The following ICA1 variants were observed in gnomAD, a reference collection of about 807,000 sequenced individuals.
The protein encoded by ICA1 is islet cell autoantigen 1.
ICA1 carries 40 observed loss-of-function variants against 71.0 expected under a neutral mutation model. That is an observed-to-expected ratio of 0.56 (90% CI 0.44 to 0.73). The LOEUF (loss-of-function observed/expected upper bound fraction) is 0.73, where lower values mean the gene tolerates loss of function less well. Ranked by LOEUF, ICA1 falls within the 30% of genes least tolerant of loss-of-function variation. The probability of loss-of-function intolerance (pLI) is 0.00; values close to 1 mark genes in which losing one functional copy is unlikely to be tolerated. For synonymous variants in ICA1, 207 were observed against 209.5 expected (o/e 0.99, Z 0.10); for missense variants, 578 against 576.5 (o/e 1.00, Z -0.03).
chr7:8,157,512 C>G, intron 7 of ICA1: 1 of 356,320 alleles, frequency 2.8e-6, no homozygotes. Flanking sequence ...AAATAATTAA[C>G]GCTCTACTGT....
chr7:8,224,888 G>A (rs973237602), intron 4 of ICA1, among the ~76,000 whole-genome samples: 14 of 152,196 alleles, frequency 9.2e-5, no homozygotes, highest in African/African-American at 3.1e-4. Flanking sequence ...GAATTAGACT[G>A]TGGTTACAGA....
At chr7:8,210,368 G>A (rs573733600) in intron 6 of ICA1, among the ~76,000 whole-genome samples, 1 of 152,312 alleles carries the variant, frequency 6.6e-6, no homozygotes, top group South Asian at 2.1e-4. Context: ...GGGGATGTGT[G>A]TAAATATATT....
chr7:8,135,745 G>C (rs1793189389), intron 12 of ICA1, among the ~76,000 whole-genome samples: 2 of 152,226 alleles, frequency 1.3e-5, no homozygotes, highest in Non-Finnish European at 2.9e-5. Flanking sequence ...GGTAGCAGGA[G>C]ATAAACATTT....
chr7:8,153,504 T>C (rs561118860), intron 8 of ICA1, among the ~76,000 whole-genome samples: 7 of 152,284 alleles, frequency 4.6e-5, no homozygotes, highest in African/African-American at 1.2e-4. Flanking sequence ...GTCTTTTTTT[T>C]TCCCCCTTGA....
intron 4 of ICA1, chr7:8,227,825 A>G (rs1439772077): frequency 2.2e-6 from 1 of 445,486 alleles, no homozygotes; most frequent in East Asian, 7.4e-5. Flanking sequence ...GCTCCAAGTG[A>G]TCCTCCTGCC....
intron 8 of ICA1, among the ~76,000 whole-genome samples, chr7:8,151,276 G>A (rs774559132): frequency 2.9e-4 from 44 of 152,222 alleles, no homozygotes; most frequent in Non-Finnish European, 5.0e-4. Flanking sequence ...ACATGCCATT[G>A]TGAAGGCTTG....
At chr7:8,141,365 C>T (rs909079783) in intron 10 of ICA1, among the ~76,000 whole-genome samples, 1 of 152,204 alleles carries the variant, frequency 6.6e-6, no homozygotes, top group South Asian at 2.1e-4. Context: ...CAAACATCCA[C>T]CCGCCCCACA....
rs945742898 is a variant in ICA1, at chr7:8,123,124, A to G, written c.1330+4749T>C. Among the ~76,000 whole-genome samples the G allele has an allele frequency of 2.0e-5, 3 of 152,092 alleles. No homozygotes were observed. Among genetic ancestry groups the G allele is most frequent in the Non-Finnish European group, 4.4e-5 (3 of 68,006 alleles). The stretch of plus-strand genomic sequence containing the variant: ...CCTTACCATGCTGATAACTTCAGAC[A>G]CTCTTAGAAATCCCAGCTAAAATTA... On this transcript the variant is annotated intron_variant, in intron 13 of 13. Transcript: ENST00000402384. This position sits in a 1 kb window ranked among gnomAD's most constrained non-coding sequence, Gnocchi z 4.1.
chr7:8,197,575 AAT>A (rs1479143690), intron 6 of ICA1, among the ~76,000 whole-genome samples: 6 of 10,168 alleles, frequency 5.9e-4, no homozygotes, highest in African/African-American at 8.0e-4. Context: ...AGAAAGAAGA[AAT>A]AATAATAATA....
intron 1 of ICA1, among the ~76,000 whole-genome samples, chr7:8,250,187 G>A (rs1807675185): frequency 6.6e-6 from 1 of 152,118 alleles, no homozygotes; most frequent in Non-Finnish European, 1.5e-5. Context: ...TTTCCTAGAT[G>A]TTTGTCTCTG....
intron 13 of ICA1, among the ~76,000 whole-genome samples, chr7:8,117,695 C>G (rs1785222357): frequency 6.6e-6 from 1 of 152,112 alleles, no homozygotes; most frequent in Non-Finnish European, 1.5e-5. Flanking sequence ...TTGGCATACT[C>G]TCGTCACAGT....
intron 7 of ICA1, chr7:8,157,695 A>ATTTTCTTC (rs112428493): frequency 7.1e-6 from 1 of 140,052 alleles, no homozygotes; most frequent in Non-Finnish European, 1.5e-5. Context: ...CCTAGTCTTA[A>ATTTTCTTC]TTTTTTTTTT....
In ICA1 at chr7:8,138,981, T is replaced by C. The variant is rs754349713; in HGVS notation, c.1018+4A>G. On this transcript the variant is annotated splice_donor_region_variant and intron_variant, in intron 11 of 13. Transcript: ENST00000402384. ...ATTGAGTAGTTTTCCTTAATCTAGG[T>C]TACCTGAGCATGCAGTATGTGTAGA... 6 of 1,611,108 alleles carry C rather than the reference T, an allele frequency of 3.7e-6. No homozygotes were observed. The Admixed American group carries it at 1.0e-4, about 27-fold the overall frequency.
At chr7:8,133,069 T>C (rs1792070987) in intron 12 of ICA1, among the ~76,000 whole-genome samples, 1 of 152,156 alleles carries the variant, frequency 6.6e-6, no homozygotes, top group East Asian at 1.9e-4. Context: ...CACAAATGGG[T>C]TAACCCATTC....
intron 13 of ICA1, among the ~76,000 whole-genome samples, chr7:8,121,497 C>G (rs527465209): frequency 1.3e-5 from 2 of 152,040 alleles, no homozygotes; most frequent in Admixed American, 1.3e-4. Flanking sequence ...CTAAGCCAGG[C>G]GCAGAAAGAC....
At chr7:8,189,274 CT>C (rs1398000675) in intron 6 of ICA1, among the ~76,000 whole-genome samples, 1 of 152,118 alleles carries the variant, frequency 6.6e-6, no homozygotes, top group Non-Finnish European at 1.5e-5. Flanking sequence ...GAGGGTAGAG[CT>C]TTGATCAATT....
At chr7:8,209,937 G>C (rs544036694) in intron 6 of ICA1, among the ~76,000 whole-genome samples, 1 of 152,202 alleles carries the variant, frequency 6.6e-6, no homozygotes, top group Non-Finnish European at 1.5e-5. Context: ...GCAGGGAAGA[G>C]AGGCGGGAGG....
chr7:8,245,163 A>C (rs1805488847), intron 1 of ICA1, among the ~76,000 whole-genome samples: 1 of 152,136 alleles, frequency 6.6e-6, no homozygotes, highest in African/African-American at 2.4e-5. Flanking sequence ...ACCAATACAA[A>C]TGTCCATCAA....
chr7:8,165,156 C>A (rs1347983009), intron 6 of ICA1, among the ~76,000 whole-genome samples: 3 of 152,174 alleles, frequency 2.0e-5, no homozygotes, highest in African/African-American at 4.8e-5. Flanking sequence ...ATCTTTTCAT[C>A]CGAGGCTGAT....
Sources: allele counts gnomAD v4.1 joint callset (sites outside exome capture counted in the v4.1 genomes callset), GRCh38; gene constraint gnomAD v4.1.1; non-coding constraint Gnocchi (gnomAD v3.1); transcripts MANE v1.5; gene names NCBI Gene and HGNC (gene_info 2026-07-23, HGNC 2026-07-21).